CTNND2: variants seen among roughly 807,000 people sequenced by gnomAD.
CTNND2 encodes the protein catenin delta-2.
In CTNND2, 22 loss-of-function variants were observed where a neutral mutation model predicts 144.4. The observed-to-expected ratio is 0.15, with a 90% confidence interval of 0.11 to 0.22. The LOEUF (loss-of-function observed/expected upper bound fraction) is 0.22. Among genes scored for constraint, CTNND2 ranks in the 10% least tolerant of loss-of-function variants. The pLI is 1.00. For missense variants in CTNND2, 1,353 were observed against 1,618.8 expected (o/e 0.84, Z 2.82); for synonymous variants, 751 against 695.6 (o/e 1.08, Z -1.25).
At chr5:11,353,380 G>C (rs61484494) in intron 8 of CTNND2, among the ~76,000 whole-genome samples, 42,392 of 152,100 alleles carry the variant, frequency 0.28, 6,199 homozygotes, top group Non-Finnish European at 0.34. Flanking sequence ...GTGAGGGCAG[G>C]CCTGGTTAAT....
intron 3 of CTNND2, among the ~76,000 whole-genome samples, chr5:11,451,870 G>A (rs1331246428): frequency 6.6e-6 from 1 of 152,116 alleles, no homozygotes; most frequent in Non-Finnish European, 1.5e-5. Context: ...AACAATAAAT[G>A]TAGTGGCATA....
intron 21 of CTNND2, among the ~76,000 whole-genome samples, chr5:10,977,850 A>G (rs990132425): frequency 6.6e-6 from 1 of 152,194 alleles, no homozygotes; most frequent in Non-Finnish European, 1.5e-5. Flanking sequence ...TTCTTCTAGG[A>G]GGCTTTAAGC....
At chr5:11,665,854 G>A (rs1783541225) in intron 2 of CTNND2, among the ~76,000 whole-genome samples, 1 of 152,066 alleles carries the variant, frequency 6.6e-6, no homozygotes, top group Non-Finnish European at 1.5e-5. Context: ...TTATCCTCCT[G>A]TTTCATAAAT....
At chr5:11,307,868 G>A (rs1186767907) in intron 9 of CTNND2, among the ~76,000 whole-genome samples, 1 of 152,202 alleles carries the variant, frequency 6.6e-6, no homozygotes, top group African/African-American at 2.4e-5. Context: ...TTCCTAAGGG[G>A]ATGGTGTGAG....
intron 9 of CTNND2, among the ~76,000 whole-genome samples, chr5:11,269,932 A>T (rs1307639610): frequency 1.3e-5 from 2 of 152,236 alleles, no homozygotes; most frequent in African/African-American, 4.8e-5. Context: ...GAATTGCAGG[A>T]TTATGTCAAC....
chr5:11,529,238 A>G (rs1463364630), intron 3 of CTNND2, among the ~76,000 whole-genome samples: 5 of 152,224 alleles, frequency 3.3e-5, no homozygotes, highest in Non-Finnish European at 7.3e-5. Context: ...GCTGTGCAAA[A>G]AACTGGCAAA....
At chr5:11,637,814 T>C (rs1020010304) in intron 2 of CTNND2, among the ~76,000 whole-genome samples, 2 of 152,178 alleles carry the variant, frequency 1.3e-5, no homozygotes, top group South Asian at 2.1e-4. Flanking sequence ...AAACCTATTA[T>C]GTCTAGTGAA....
chr5:11,614,703 T>G (rs1250345883), intron 2 of CTNND2, among the ~76,000 whole-genome samples: 3 of 152,184 alleles, frequency 2.0e-5, no homozygotes, highest in African/African-American at 7.2e-5. Flanking sequence ...AGGGCAGTGA[T>G]GAACTACAGT....
intron 7 of CTNND2, among the ~76,000 whole-genome samples, chr5:11,377,783 G>A (rs1386116729): frequency 6.6e-6 from 1 of 152,130 alleles, no homozygotes; most frequent in African/African-American, 2.4e-5. Context: ...TTGCCATACG[G>A]GAGTGTTAAA....
Position 11,397,128 on chromosome 5 carries a change from T to C in CTNND2, c.515A>G (p.Tyr172Cys). ...CAGGGCCAGGGTCTGGTTGCTATGG[T>C]AGCTGGCCGGATACTGGAAAGACCC... Reference protein sequence around the residue: ...PEGSFQYPASYHSNQTLALGE... With the variant: ...PEGSFQYPASCHSNQTLALGE... Residue 172 changes from tyrosine (Y) to cysteine (C), a missense_variant, in exon 6 of 22, where the codon TAC becomes TGC. By Grantham distance (194) the Tyr-to-Cys change is radical. Transcript: ENST00000304623. The C allele has an allele frequency of 6.2e-7, 1 of 1,614,202 alleles. No homozygotes were observed. The highest frequency in any genetic ancestry group is 8.5e-7 in the Non-Finnish European group (1 of 1,180,032).
At chr5:11,783,621 A>G (rs907667388) in intron 1 of CTNND2, among the ~76,000 whole-genome samples, 1 of 152,142 alleles carries the variant, frequency 6.6e-6, no homozygotes, top group African/African-American at 2.4e-5. Context: ...AGAGCTGCCA[A>G]GATGAAATAA....
intron 14 of CTNND2, among the ~76,000 whole-genome samples, chr5:11,106,613 T>G (rs1158252345): frequency 2.6e-5 from 4 of 152,204 alleles, no homozygotes; most frequent in Non-Finnish European, 5.9e-5. Flanking sequence ...TGGGTTTTTG[T>G]TCACTACCAT....
intron 2 of CTNND2, among the ~76,000 whole-genome samples, chr5:11,705,630 A>T (rs1008786388): frequency 7.9e-5 from 12 of 152,230 alleles, no homozygotes; most frequent in African/African-American, 2.4e-4. Flanking sequence ...TTGAAAAAAC[A>T]GCTGAGTTGA....
At chr5:11,138,502 C>T (rs1297907145) in intron 12 of CTNND2, among the ~76,000 whole-genome samples, 1 of 152,198 alleles carries the variant, frequency 6.6e-6, no homozygotes, top group African/African-American at 2.4e-5. Context: ...CCTGACACAG[C>T]AGGAAGGACC....
intron 7 of CTNND2, among the ~76,000 whole-genome samples, chr5:11,373,497 G>A (rs1379846997): frequency 6.6e-6 from 1 of 152,164 alleles, no homozygotes; most frequent in Non-Finnish European, 1.5e-5. Flanking sequence ...TACCCACATA[G>A]GTAAGGATAG....
chr5:11,418,274 C>T (rs372184625), intron 3 of CTNND2, among the ~76,000 whole-genome samples: 21 of 152,076 alleles, frequency 1.4e-4, no homozygotes, highest in South Asian at 2.1e-4. Context: ...GGCGTGGTGG[C>T]GCATGCCTGT....
intron 3 of CTNND2, among the ~76,000 whole-genome samples, chr5:11,419,485 A>G (rs1762198853): frequency 6.6e-6 from 1 of 152,214 alleles, no homozygotes; most frequent in South Asian, 2.1e-4. Flanking sequence ...TTAGAGATAC[A>G]CTAACTTCTT....
At chr5:11,663,525 C>T (rs1783394801) in intron 2 of CTNND2, among the ~76,000 whole-genome samples, 1 of 152,080 alleles carries the variant, frequency 6.6e-6, no homozygotes, top group East Asian at 1.9e-4. Flanking sequence ...TTCCTAACAG[C>T]ATGAATTAAA....
At chr5:11,162,411 T>G (rs1001668408) in intron 11 of CTNND2, among the ~76,000 whole-genome samples, 1 of 152,152 alleles carries the variant, frequency 6.6e-6, no homozygotes, top group Non-Finnish European at 1.5e-5. Context: ...GGCTGTTCTA[T>G]CTCCTTCACT....
Sources: allele counts gnomAD v4.1 joint callset (sites outside exome capture counted in the v4.1 genomes callset), GRCh38; gene constraint gnomAD v4.1.1; transcripts MANE v1.5; gene names NCBI Gene and HGNC (gene_info 2026-07-23, HGNC 2026-07-21).